The following KMT2C variants were observed in gnomAD, a reference collection of about 807,000 sequenced individuals.
KMT2C encodes the protein lysine methyltransferase 2C.
In KMT2C, 88 loss-of-function variants were observed where a neutral mutation model predicts 507.9. The ratio of observed to expected loss-of-function variants is 0.17; its 90% CI spans 0.15 to 0.21. The LOEUF is 0.21. Among genes scored for constraint, KMT2C ranks in the 10% least tolerant of loss-of-function variants. KMT2C has a pLI of 1.00. For missense variants in KMT2C, 4,954 were observed against 5,957.8 expected (o/e 0.83, Z 5.55); for synonymous variants, 2,049 against 2,080.8 (o/e 0.98, Z 0.42).
intron 1 of KMT2C, among the ~76,000 whole-genome samples, chr7:152,391,543 CTTTTTTTTTT>C (rs71198782): frequency 1.0e-5 from 1 of 97,226 alleles, no homozygotes; most frequent in Non-Finnish European, 2.1e-5. Context: ...CATGCCCGGC[CTTTTTTTTTT>C]TTTTTTTTTT....
intron 26 of KMT2C, among the ~76,000 whole-genome samples, chr7:152,200,738 T>G (rs956372646): frequency 1.3e-5 from 2 of 151,996 alleles, no homozygotes; most frequent in Non-Finnish European, 2.9e-5. Flanking sequence ...AAAAAAAAAT[T>G]AGAAAGTTCA....
chr7:152,211,386 AAAT>A (rs2094450468), intron 23 of KMT2C, among the ~76,000 whole-genome samples: 1 of 152,216 alleles, frequency 6.6e-6, no homozygotes, highest in African/African-American at 2.4e-5. Flanking sequence ...TAGAGGGAAA[AAAT>A]AAAGAGAAAT....
At chr7:152,264,955 T>C in intron 8 of KMT2C, 83 bp downstream of exon 8, 5 of 1,491,664 alleles carry the variant, frequency 3.4e-6, no homozygotes, top group East Asian at 2.4e-5. Context: ...ACAACCTCTA[T>C]TATATTACAC....
chr7:152,411,647 A>G lies in KMT2C; in HGVS notation c.161+23979T>C, dbSNP rs6965120. 4.7e-3 allele frequency among the ~76,000 whole-genome samples: 721 copies of G among 152,262 alleles called. 3 individuals carry two copies. Among genetic ancestry groups the G allele is most frequent in the African/African-American group, 0.016 (675 of 41,566 alleles). On this transcript the variant is annotated intron_variant, in intron 1 of 58. Transcript: ENST00000262189. ...CAAAGCCCAGATCAGGGACTCTGCTACAGCCAGCCAGTGGAGAATGCCTCT... is the reference window on the plus strand; with the variant it reads ...CAAAGCCCAGATCAGGGACTCTGCTGCAGCCAGCCAGTGGAGAATGCCTCT...
At chr7:152,298,579 C>A (rs527479591) in intron 6 of KMT2C, among the ~76,000 whole-genome samples, 2 of 152,124 alleles carry the variant, frequency 1.3e-5, no homozygotes, top group Non-Finnish European at 2.9e-5. Context: ...AATAAAGGCA[C>A]ACCAGAAACA....
At chr7:152,413,098 G>A (rs1663069117) in intron 1 of KMT2C, among the ~76,000 whole-genome samples, 1 of 152,102 alleles carries the variant, frequency 6.6e-6, no homozygotes, top group Admixed American at 6.6e-5. Flanking sequence ...AACTAACAAT[G>A]TAAATCTATT....
At chr7:152,165,437 T>A (rs2092684276) in intron 42 of KMT2C, among the ~76,000 whole-genome samples, 1 of 152,194 alleles carries the variant, frequency 6.6e-6, no homozygotes, top group Non-Finnish European at 1.5e-5. Flanking sequence ...AAAAAAAATA[T>A]ACTTTATTAA....
intron 31 of KMT2C, among the ~76,000 whole-genome samples, chr7:152,189,723 C>T (rs551263049): frequency 9.8e-5 from 15 of 152,308 alleles, no homozygotes; most frequent in African/African-American, 3.4e-4. Context: ...CTACTAAATG[C>T]CACAGCTGGG....
chr7:152,162,598 G>T lies in KMT2C; in HGVS notation c.10979C>A (p.Ser3660Ter). The change falls in exon 43 of 59, where the codon TCG becomes TAG. Residue 3660 changes from serine (S) to a stop codon, truncating the protein, a stop_gained. Transcript: ENST00000262189. LOFTEE classifies it high-confidence loss of function. ...SELPQQADQESVEPVGPSTPN... is the reference protein window; with the variant it reads ...SELPQQADQE Reference sequence around the variant, plus strand: ...AGTGGATGGGCCGACTGGTTCCACCGACTCTTGGTCGGCTTGTTGAGGAAG... The same window carrying T: ...AGTGGATGGGCCGACTGGTTCCACCTACTCTTGGTCGGCTTGTTGAGGAAG... 1 of 1,614,166 alleles carries T rather than the reference G, an allele frequency of 6.2e-7. No individual in the cohort carries two copies. The highest frequency in any genetic ancestry group is 1.1e-5 in the South Asian group (1 of 91,056).
intron 33 of KMT2C, among the ~76,000 whole-genome samples, 157 bp from the exon 34 acceptor site, chr7:152,185,788 C>T (rs376032095): frequency 6.6e-5 from 10 of 152,328 alleles, no homozygotes; most frequent in East Asian, 3.8e-4. Flanking sequence ...GAACAAAGAT[C>T]GTGGCACACT....
At chr7:152,201,270 C>T (rs55986906) in intron 26 of KMT2C, among the ~76,000 whole-genome samples, 1 of 148,742 alleles carries the variant, frequency 6.7e-6, no homozygotes, top group Non-Finnish European at 1.5e-5. Flanking sequence ...AAAGGCCTCC[C>T]TCATGTCACA....
At chr7:152,247,604 C>A (rs1172604447) in intron 14 of KMT2C, among the ~76,000 whole-genome samples, 2 of 152,308 alleles carry the variant, frequency 1.3e-5, no homozygotes, top group Non-Finnish European at 2.9e-5. Context: ...ATATTTACTG[C>A]AGCACAGAAC....
At chr7:152,245,956 C>G (rs1472988253) in intron 14 of KMT2C, among the ~76,000 whole-genome samples, 2 of 152,046 alleles carry the variant, frequency 1.3e-5, no homozygotes, top group African/African-American at 2.4e-5. Context: ...CAGCCAATCC[C>G]CAACGTGAAG....
chr7:152,385,365 C>T (rs913288641), intron 1 of KMT2C, among the ~76,000 whole-genome samples: 1 of 128,110 alleles, frequency 7.8e-6, no homozygotes, highest in African/African-American at 4.5e-5. Context: ...GTAATCCCAG[C>T]ACTTTGGGAG....
At chr7:152,234,472 GTATAA>G (rs1389922060) in intron 16 of KMT2C, among the ~76,000 whole-genome samples, 13 of 151,930 alleles carry the variant, frequency 8.6e-5, no homozygotes, top group Admixed American at 7.9e-4. Flanking sequence ...ATAAATTAAC[GTATAA>G]TATAAGAAGA....
At chr7:152,331,153 T>C (rs2096878472) in intron 2 of KMT2C, among the ~76,000 whole-genome samples, 1 of 151,738 alleles carries the variant, frequency 6.6e-6, no homozygotes, top group Non-Finnish European at 1.5e-5. Flanking sequence ...ACAAAAAATG[T>C]AAAAATTAGC....
At position 152,144,547 on chromosome 7, in the gene KMT2C, A is replaced by T. The variant is rs1377289528; in HGVS notation, c.14343+166T>A. Among the ~76,000 whole-genome samples, 1 of 152,220 alleles carries T rather than the reference A, an allele frequency of 6.6e-6. No individual in the cohort carries two copies. Among genetic ancestry groups the T allele is most frequent in the Non-Finnish European group, 1.5e-5 (1 of 68,040 alleles). On this transcript the variant is annotated intron_variant, in intron 55 of 58. Transcript: ENST00000262189. The surrounding 1 kb of genome is among the most constrained non-coding windows in gnomAD (Gnocchi z 4.4). The stretch of plus-strand genomic sequence containing the variant: ...CAATCACCAAGTCCCAAGACTACAT[A>T]TTAAATCCCTAGTGTTACCAAGGGA...
chr7:152,337,019 G>A (rs1328822897), intron 2 of KMT2C, among the ~76,000 whole-genome samples: 1 of 152,152 alleles, frequency 6.6e-6, no homozygotes, highest in Non-Finnish European at 1.5e-5. Context: ...GACCTGGCGT[G>A]GTGGCTCAAG....
intron 2 of KMT2C, among the ~76,000 whole-genome samples, chr7:152,354,946 CT>C (rs1274119914): frequency 2.0e-5 from 3 of 152,072 alleles, no homozygotes; most frequent in African/African-American, 7.2e-5. Flanking sequence ...ATCACTCTGG[CT>C]ACTATGTGTG....
Sources: gnomAD v4.1 joint callset for allele counts (sites outside exome capture counted in the v4.1 genomes callset) on GRCh38, gnomAD v4.1.1 for gene constraint, Gnocchi (gnomAD v3.1) non-coding constraint, MANE v1.5 for transcripts, NCBI Gene and HGNC (gene_info 2026-07-23, HGNC 2026-07-21) for gene names.